SLC13A3: variants seen among roughly 807,000 people sequenced by gnomAD.
SLC13A3 encodes the protein Na(+)/dicarboxylate cotransporter 3.
A neutral mutation model predicts 59.0 loss-of-function variants in SLC13A3; 40 were observed. The ratio of observed to expected loss-of-function variants is 0.68; its 90% CI spans 0.53 to 0.88. SLC13A3 has a LOEUF of 0.88. Ranked by LOEUF, SLC13A3 falls within the 40% of genes least tolerant of loss-of-function variation. SLC13A3 has a pLI of 0.00. For synonymous variants in SLC13A3, 317 were observed against 330.3 expected (o/e 0.96, Z 0.44); for missense variants, 699 against 783.2 (o/e 0.89, Z 1.28).
chr20:46,603,976 G>C (rs2062409401), intron 3 of SLC13A3, among the ~76,000 whole-genome samples: 1 of 145,682 alleles, frequency 6.9e-6, no homozygotes, highest in South Asian at 2.2e-4. Context: ...GGGTGACAGA[G>C]CAAGACGCCA....
intron 12 of SLC13A3, among the ~76,000 whole-genome samples, chr20:46,562,641 C>A (rs967987978): frequency 1.3e-5 from 2 of 152,186 alleles, no homozygotes; most frequent in Non-Finnish European, 2.9e-5. Context: ...GGAGGCGGAT[C>A]GGTGTCTCTC....
rs148285492 is a variant in SLC13A3 at position 46,582,736 on chromosome 20, AC to A, written c.1219+835del. On this transcript the variant is annotated intron_variant, in intron 9 of 12. Coordinates refer to ENST00000279027, the MANE Select transcript of SLC13A3 (RefSeq NM_022829.6). ...CATGGCTGGGGCTATCCTGAGTGAC[AC>A]TATTTTTCTCAACAATAGAAAATAG... 2,020 of 985,358 alleles carry A rather than the reference AC, an allele frequency of 2.1e-3. 34 individuals carry two copies. In the African/African-American group the frequency reaches 0.032, roughly 16 times the overall value. 61.0% of individuals were successfully genotyped at this position (985,358 alleles called of 1,614,324 possible).
At position 46,592,538 on chromosome 20, in the gene SLC13A3, C is replaced by G. The variant is rs1315514313; in HGVS notation, c.795-9G>C. ...CACACTGCGGAAAGAAACTGGAGAA[C>G]AGCGGGAGATGAGAACAGGCCAAGG... On this transcript the variant is annotated splice_polypyrimidine_tract_variant and intron_variant, in intron 5 of 12. Coordinates refer to ENST00000279027, the MANE Select transcript of SLC13A3 (RefSeq NM_022829.6). The G allele has an allele frequency of 6.2e-7, 1 of 1,613,142 alleles. No homozygotes were observed. The highest frequency in any genetic ancestry group is 8.5e-7 in the Non-Finnish European group (1 of 1,179,400).
chr20:46,657,140 A>T (rs2062999634), intron 1 of SLC13A3, among the ~76,000 whole-genome samples: 1 of 152,074 alleles, frequency 6.6e-6, no homozygotes, highest in Admixed American at 6.6e-5. Context: ...GCTTTTGAGA[A>T]AAAGTTTGAA....
intron 1 of SLC13A3, among the ~76,000 whole-genome samples, chr20:46,643,888 A>C (rs555989002): frequency 2.0e-5 from 3 of 152,204 alleles, no homozygotes; most frequent in African/African-American, 7.2e-5. Flanking sequence ...AAATACAAAA[A>C]TTAGCCAGGC....
intron 8 of SLC13A3, chr20:46,584,059 G>T (rs1162189578): frequency 2.0e-6 from 2 of 985,124 alleles, no homozygotes; most frequent in Non-Finnish European, 2.4e-6. Context: ...AATCCCTCCT[G>T]GGATGGGCAG....
intron 1 of SLC13A3, among the ~76,000 whole-genome samples, chr20:46,616,957 C>A (rs1178462234): frequency 6.6e-6 from 1 of 152,184 alleles, no homozygotes; most frequent in Non-Finnish European, 1.5e-5. Context: ...GCTCCTGGTA[C>A]AAAAGCAGCA....
chr20:46,655,784 C>A, upstream of SLC13A3, among the ~76,000 whole-genome samples: 1 of 140,404 alleles, frequency 7.1e-6, no homozygotes. Context: ...TATATATATG[C>A]CTTCAGTATA....
At chr20:46,566,500 G>A (rs2061982112) in intron 10 of SLC13A3, 110 bp from the exon 11 acceptor site, 2 of 1,266,184 alleles carry the variant, frequency 1.6e-6, no homozygotes, top group Non-Finnish European at 2.2e-6. Flanking sequence ...TCCCAGATGG[G>A]GAGACTGAGG....
At position 46,566,383 on chromosome 20, in the gene SLC13A3, C is replaced by T; in HGVS notation, c.1340G>A (p.Gly447Glu). The change falls in exon 11 of 13, where the codon GGG becomes GAG. Residue 447 changes from glycine to glutamate, a missense_variant. Transcript: ENST00000279027. ...FAMAKGCEESGLSVWIGGQLH... is the reference protein window; with the variant it reads ...FAMAKGCEESELSVWIGGQLH... ...CTGCCCACCAATCCATACAGACAGCCCCGATTCCTGCGGAGGGAAAGGCAT... is the reference window on the plus strand; with the variant it reads ...CTGCCCACCAATCCATACAGACAGCTCCGATTCCTGCGGAGGGAAAGGCAT... The T allele has an allele frequency of 6.2e-7, 1 of 1,612,334 alleles. No individual in the cohort carries two copies. The highest frequency in any genetic ancestry group is 1.3e-5 in the African/African-American group (1 of 75,006).
upstream of SLC13A3, among the ~76,000 whole-genome samples, chr20:46,655,974 T>C (rs967028493): frequency 2.8e-5 from 4 of 142,300 alleles, no homozygotes; most frequent in Non-Finnish European, 6.0e-5. Flanking sequence ...TGTATATATG[T>C]ATGTATATAT....
intron 1 of SLC13A3, among the ~76,000 whole-genome samples, chr20:46,675,731 A>G (rs2063121069): frequency 6.6e-6 from 1 of 151,748 alleles, no homozygotes; most frequent in Non-Finnish European, 1.5e-5. Context: ...ACAGGCATGC[A>G]CCACCTTGCC....
intron 3 of SLC13A3, among the ~76,000 whole-genome samples, chr20:46,605,821 C>T (rs1018971498): frequency 9.2e-5 from 14 of 152,094 alleles, no homozygotes; most frequent in South Asian, 4.1e-4. Flanking sequence ...AAATTTGACA[C>T]GAAGAGGGCC....
intron 9 of SLC13A3, chr20:46,582,762 G>A: frequency 1.0e-6 from 1 of 985,390 alleles, no homozygotes; most frequent in Non-Finnish European, 1.2e-6. Flanking sequence ...ATAGAAAATA[G>A]TTTGATTATA....
chr20:46,638,276 C>T (rs913270597), intron 1 of SLC13A3, among the ~76,000 whole-genome samples: 9 of 152,192 alleles, frequency 5.9e-5, no homozygotes, highest in African/African-American at 2.2e-4. Context: ...CTGAGCGGGG[C>T]CACAGGCTGG....
At chr20:46,654,311 A>T (rs942453323), upstream of SLC13A3, among the ~76,000 whole-genome samples, 1 of 152,158 alleles carries the variant, frequency 6.6e-6, no homozygotes, top group Non-Finnish European at 1.5e-5. Context: ...TGTCACTTGC[A>T]TGGCTTTTTT....
chr20:46,639,666 A>G (rs2062828688), intron 1 of SLC13A3, among the ~76,000 whole-genome samples: 1 of 152,124 alleles, frequency 6.6e-6, no homozygotes, highest in Non-Finnish European at 1.5e-5. Context: ...TTGATGTCCC[A>G]CCTTCCCCAT....
intron 4 of SLC13A3, among the ~76,000 whole-genome samples, chr20:46,598,799 C>A (rs183607784): frequency 6.8e-6 from 1 of 147,254 alleles, no homozygotes. Context: ...ATCACTCTCT[C>A]CCCCCCGAAG....
intron 9 of SLC13A3, among the ~76,000 whole-genome samples, chr20:46,579,252 C>T (rs374566047): frequency 2.2e-4 from 33 of 152,182 alleles, no homozygotes; most frequent in South Asian, 1.2e-3. Flanking sequence ...CTCAGCCTCC[C>T]GAGTAGCTGG....
Sources: allele counts gnomAD v4.1 joint callset (sites outside exome capture counted in the v4.1 genomes callset), GRCh38; gene constraint gnomAD v4.1.1; transcripts MANE v1.5; gene names NCBI Gene and HGNC (gene_info 2026-07-23, HGNC 2026-07-21).